The following CEP126 variants were observed in gnomAD, a reference collection of about 807,000 sequenced individuals.
CEP126 encodes centrosomal protein of 126 kDa.
A neutral mutation model predicts 107.8 loss-of-function variants in CEP126; 74 were observed. That is an observed-to-expected ratio of 0.69 (90% CI 0.57 to 0.83). CEP126 has a LOEUF of 0.83. Ranked by LOEUF, CEP126 falls within the 40% of genes least tolerant of loss-of-function variation. The pLI, the probability that CEP126 is intolerant of heterozygous loss-of-function variation, is 0.00. For synonymous variants in CEP126, 449 were observed against 446.0 expected (o/e 1.01, Z -0.08); for missense variants, 1,237 against 1,281.9 (o/e 0.96, Z 0.53).
rs1161391603 is a variant in CEP126, at chr11:101,992,480, TAAAA to T, written c.3245-294_3245-291del. On this transcript the variant is annotated intron_variant, in intron 9 of 10. Coordinates refer to ENST00000263468, the MANE Select transcript of CEP126 (RefSeq NM_020802.4). ...AAGGATGAAATTAATATTTTTTTAT[TAAAA>T]AAAGAGAAAGAAAGAAAACGTAATA... Among the ~76,000 whole-genome samples, 3 of 152,078 alleles carry T rather than the reference TAAAA, an allele frequency of 2.0e-5. No homozygotes were observed. The East Asian group carries it at 5.8e-4, about 29-fold the overall frequency.
chr11:101,969,562 T>C (rs762674579), intron 6 of CEP126, among the ~76,000 whole-genome samples: 1 of 152,230 alleles, frequency 6.6e-6, no homozygotes, highest in Non-Finnish European at 1.5e-5. Flanking sequence ...CTCCACAAAC[T>C]AATCCGTAAA....
In CEP126 at chr11:101,915,253, G is replaced by C. The variant is rs1487826639; in HGVS notation, c.-32G>C. 6.2e-7 allele frequency: 1 copy of C among 1,611,818 alleles called. No individual in the cohort carries two copies. The highest frequency in any genetic ancestry group is 8.5e-7 in the Non-Finnish European group (1 of 1,179,252). The stretch of plus-strand genomic sequence containing the variant: ...GGAGCTGCCATGAGGGAGGTTCTGG[G>C]GGCGAGCAGACAGGCGGCGCTGAAG... On this transcript the variant is annotated 5_prime_UTR_variant, in exon 1 of 11. Transcript: ENST00000263468.
intron 8 of CEP126, among the ~76,000 whole-genome samples, chr11:101,982,631 A>G (rs1255157113): frequency 6.6e-6 from 1 of 152,144 alleles, no homozygotes; most frequent in Non-Finnish European, 1.5e-5. Context: ...TTAGTTGAAG[A>G]TGTTTCATTA....
At chr11:101,943,806 C>T (rs1245193449) in intron 2 of CEP126, among the ~76,000 whole-genome samples, 3 of 152,020 alleles carry the variant, frequency 2.0e-5, no homozygotes, top group African/African-American at 4.8e-5. Context: ...ATTTTTAGCA[C>T]AGTTCCAACT....
chr11:101,967,805 T>C (rs886100398), intron 6 of CEP126, among the ~76,000 whole-genome samples: 7 of 152,194 alleles, frequency 4.6e-5, no homozygotes, highest in African/African-American at 1.7e-4. Flanking sequence ...AACAAAAGTA[T>C]AGCAGAAATG....
intron 5 of CEP126, among the ~76,000 whole-genome samples, chr11:101,961,432 C>T (rs1940967864): frequency 1.3e-5 from 2 of 152,026 alleles, no homozygotes; most frequent in Admixed American, 1.3e-4. Flanking sequence ...CTTCAAGAAA[C>T]TTCATACTCT....
Position 101,948,085 on chromosome 11 carries a change from C to A in CEP126, c.449C>A (p.Ser150Tyr). 6.2e-7 allele frequency: 1 copy of A among 1,612,108 alleles called. No individual in the cohort carries two copies. The highest frequency in any genetic ancestry group is 2.2e-5 in the East Asian group (1 of 44,736). The change falls in exon 4 of 11, where the codon TCC (serine) becomes TAC (tyrosine). Residue 150 changes from serine (S) to tyrosine (Y), a missense_variant. Transcript: ENST00000263468. The part of the protein sequence containing the change: ...LEEALKQIQE[S>Y]NLKSEVNLPF... ...GAGGCCCTCAAACAAATTCAGGAATCCAACTTAAAATCAGAAGTAAACCTT... is the reference window on the plus strand; with the variant it reads ...GAGGCCCTCAAACAAATTCAGGAATACAACTTAAAATCAGAAGTAAACCTT...
chr11:101,935,717 T>C (rs887445901), intron 2 of CEP126, among the ~76,000 whole-genome samples: 17 of 152,108 alleles, frequency 1.1e-4, no homozygotes, highest in Admixed American at 3.3e-4. Context: ...TATTGTAGCA[T>C]TATAGCAGGA....
At chr11:101,979,984 T>G (rs1355241655) in intron 7 of CEP126, among the ~76,000 whole-genome samples, 2 of 152,204 alleles carry the variant, frequency 1.3e-5, no homozygotes, top group Non-Finnish European at 2.9e-5. Context: ...ATGAAGAATT[T>G]ATATTCCAAG....
chr11:101,973,726 A>G (rs531680039), intron 6 of CEP126, among the ~76,000 whole-genome samples: 1 of 152,286 alleles, frequency 6.6e-6, no homozygotes, highest in African/African-American at 2.4e-5. Flanking sequence ...CTTTAGCCCT[A>G]TTTGTCTGGA....
intron 4 of CEP126, chr11:101,956,955 G>A: frequency 3.0e-6 from 1 of 330,368 alleles, no homozygotes; most frequent in South Asian, 2.5e-5. Flanking sequence ...TAAATAAATT[G>A]AGTTTATTAG....
At chr11:101,985,381 C>T (rs753358358) in intron 8 of CEP126, among the ~76,000 whole-genome samples, 3 of 151,542 alleles carry the variant, frequency 2.0e-5, no homozygotes, top group Non-Finnish European at 4.4e-5. Context: ...CTCTCAAGTT[C>T]AAGCAATTCT....
intron 3 of CEP126, among the ~76,000 whole-genome samples, chr11:101,946,118 A>G (rs1377249482): frequency 6.6e-6 from 1 of 152,066 alleles, no homozygotes; most frequent in Non-Finnish European, 1.5e-5. Flanking sequence ...GATAAGATTC[A>G]TGTTCATCCA....
chr11:101,962,136 A>G lies in CEP126; in HGVS notation c.1101A>G (p.Ser367=). 6.2e-7 allele frequency: 1 copy of G among 1,612,616 alleles called. No homozygotes were observed. The highest frequency in any genetic ancestry group is 8.5e-7 in the Non-Finnish European group (1 of 1,179,540). ...VERATNTANN[S]VPFVSSPPMF... The stretch of plus-strand genomic sequence containing the variant: ...GAGCCACAAATACTGCTAATAATTC[A>G]GTACCCTTTGTATCTAGCCCACCCA... The change falls in exon 6 of 11, where the codon TCA becomes TCG. Residue 367 remains serine, a synonymous_variant. Coordinates refer to ENST00000263468, the MANE Select transcript of CEP126 (RefSeq NM_020802.4).
chr11:101,943,393 A>G (rs939826713), intron 2 of CEP126, among the ~76,000 whole-genome samples: 4 of 152,008 alleles, frequency 2.6e-5, no homozygotes, highest in African/African-American at 7.2e-5. Context: ...ATAGTAACCT[A>G]TGGCACTAAA....
chr11:101,917,662 A>C (rs758631659), intron 1 of CEP126, among the ~76,000 whole-genome samples: 2 of 149,384 alleles, frequency 1.3e-5, no homozygotes, highest in Non-Finnish European at 3.0e-5. Context: ...TTTTTTCCTC[A>C]TAAATATCTC....
chr11:101,957,696 G>A (rs1451002623), intron 4 of CEP126, among the ~76,000 whole-genome samples: 1 of 152,070 alleles, frequency 6.6e-6, no homozygotes, highest in Non-Finnish European at 1.5e-5. Context: ...ACCCTGACAA[G>A]CAATTTTTAT....
At chr11:101,941,798 A>G (rs1228471976) in intron 2 of CEP126, among the ~76,000 whole-genome samples, 1 of 152,066 alleles carries the variant, frequency 6.6e-6, no homozygotes, top group East Asian at 1.9e-4. Context: ...CCTTACTAAC[A>G]GTTCCTATTT....
chr11:101,954,422 T>A (rs1216387645), intron 4 of CEP126, among the ~76,000 whole-genome samples: 1 of 152,120 alleles, frequency 6.6e-6, no homozygotes. Flanking sequence ...CTTAGAAGAG[T>A]TAAACTGTCA....
Sources: gnomAD v4.1 joint callset for allele counts (sites outside exome capture counted in the v4.1 genomes callset) on GRCh38, gnomAD v4.1.1 for gene constraint, MANE v1.5 for transcripts, NCBI Gene and HGNC (gene_info 2026-07-23, HGNC 2026-07-21) for gene names.